Variants in MAP3K7CL observed in about 807,000 individuals in gnomAD.
MAP3K7CL encodes MAP3K7 C-terminal like, also known as MAP3K7 C-terminal-like protein.
A neutral mutation model predicts 18.6 loss-of-function variants in MAP3K7CL; 16 were observed. The observed-to-expected ratio is 0.86, with a 90% confidence interval of 0.58 to 1.31. The LOEUF (loss-of-function observed/expected upper bound fraction) is 1.31. Ranked by LOEUF, MAP3K7CL falls within the 50% of genes most tolerant of loss-of-function variation. The pLI is 0.00. For synonymous variants in MAP3K7CL, 65 were observed against 66.8 expected (o/e 0.97, Z 0.13); for missense variants, 163 against 174.4 (o/e 0.93, Z 0.37).
exon 1 of MAP3K7CL, chr21:29,085,916 A>G: frequency 2.5e-6 from 4 of 1,614,146 alleles, no homozygotes; most frequent in Non-Finnish European, 3.4e-6. Context: ...GCAGATCTTA[A>G]GGTATGTCCG....
intron 4 of MAP3K7CL, among the ~76,000 whole-genome samples, chr21:29,106,898 T>C (rs951112394): frequency 6.6e-6 from 1 of 152,184 alleles, no homozygotes; most frequent in Non-Finnish European, 1.5e-5. Context: ...CTCTTTCTGA[T>C]AGCTTTGTCC....
intron 4 of MAP3K7CL, among the ~76,000 whole-genome samples, chr21:29,096,976 G>T (rs1165482530): frequency 6.6e-6 from 1 of 152,164 alleles, no homozygotes; most frequent in African/African-American, 2.4e-5. Context: ...CTTTCTTTCA[G>T]AACGCGTTTA....
At chr21:29,108,603 A>C (rs901430589) in intron 4 of MAP3K7CL, among the ~76,000 whole-genome samples, 24 of 152,198 alleles carry the variant, frequency 1.6e-4, no homozygotes, top group African/African-American at 5.8e-4. Flanking sequence ...CTGAATTTAA[A>C]GTGCAGTATA....
intron 4 of MAP3K7CL, among the ~76,000 whole-genome samples, chr21:29,172,246 T>C (rs1299532611): frequency 2.0e-5 from 3 of 150,618 alleles, no homozygotes; most frequent in Non-Finnish European, 3.0e-5. Context: ...ATTTTCTTTT[T>C]TTTTTTTTTT....
At chr21:29,147,265 T>C (rs1306722473) in intron 2 of MAP3K7CL, among the ~76,000 whole-genome samples, 2 of 152,088 alleles carry the variant, frequency 1.3e-5, no homozygotes, top group Admixed American at 6.5e-5. Flanking sequence ...GTATGTGTAC[T>C]ATATGTATAA....
chr21:29,108,191 G>A (rs528543547), intron 4 of MAP3K7CL, among the ~76,000 whole-genome samples: 2 of 152,232 alleles, frequency 1.3e-5, no homozygotes, highest in South Asian at 2.1e-4. Context: ...AAATAAAGTC[G>A]TAAGAGTGGG....
intron 4 of MAP3K7CL, among the ~76,000 whole-genome samples, chr21:29,115,135 A>G (rs914135931): frequency 6.6e-6 from 1 of 152,178 alleles, no homozygotes; most frequent in Non-Finnish European, 1.5e-5. Context: ...CTGTGGCCTC[A>G]TCATGCCGGG....
chr21:29,138,673 A>C (rs1167552021), intron 2 of MAP3K7CL, among the ~76,000 whole-genome samples: 1 of 152,174 alleles, frequency 6.6e-6, no homozygotes, highest in African/African-American at 2.4e-5. Context: ...GGTAGCTTTT[A>C]ATATTTTGTT....
In MAP3K7CL at chr21:29,167,912, G is replaced by C. The variant is rs1484856003; in HGVS notation, c.249-6800G>C. On this transcript the variant is annotated intron_variant, in intron 4 of 4. Transcript: ENST00000399928. ...GATGGGGTTTCGCCATGTTAGCCAG[G>C]ATGGTCTTGATCTCCTGACCTCGTG... Among the ~76,000 whole-genome samples, 6 of 152,072 alleles carry C rather than the reference G, an allele frequency of 3.9e-5. No homozygotes were observed. The East Asian group carries it at 1.2e-3, about 29-fold the overall frequency.
At chr21:29,092,357 G>C in intron 3 of MAP3K7CL, 1 of 1,540,564 alleles carries the variant, frequency 6.5e-7, no homozygotes, top group Non-Finnish European at 8.9e-7. Flanking sequence ...TCTTCTCAGG[G>C]AAAAAAAGAA....
intron 4 of MAP3K7CL, among the ~76,000 whole-genome samples, chr21:29,098,815 C>T (rs1177655455): frequency 2.0e-5 from 3 of 152,168 alleles, no homozygotes; most frequent in Non-Finnish European, 2.9e-5. Flanking sequence ...GGGCTTCTTC[C>T]TTTTGAGGAA....
rs1458190190 is a variant in MAP3K7CL, at chr21:29,130,850, T to TCCA, written c.-111_-109dup. 6.1e-6 allele frequency: 6 copies of TCCA among 985,394 alleles called. No individual in the cohort carries two copies. Among genetic ancestry groups the TCCA allele is most frequent in the Non-Finnish European group, 7.2e-6 (6 of 830,016 alleles). 61.0% of individuals were successfully genotyped at this position (985,394 alleles called of 1,614,324 possible). ...GCCTGGTCTCTCACTGAGTCTCTACTCCACAAAGGCAACGACTGGCCAAGG... is the reference window on the plus strand; with the variant it reads ...GCCTGGTCTCTCACTGAGTCTCTACTCCACCACAAAGGCAACGACTGGCCAAGG... On this transcript the variant is annotated 5_prime_UTR_variant, in exon 1 of 5. Coordinates refer to ENST00000399928, the MANE Select transcript of MAP3K7CL (RefSeq NM_001286620.2).
At chr21:29,143,932 G>A (rs1017421621) in intron 2 of MAP3K7CL, among the ~76,000 whole-genome samples, 2 of 152,052 alleles carry the variant, frequency 1.3e-5, no homozygotes, top group African/African-American at 4.8e-5. Flanking sequence ...ACGACAGTGA[G>A]GTGTTTTGGG....
intron 4 of MAP3K7CL, among the ~76,000 whole-genome samples, chr21:29,099,405 A>G (rs1054980637): frequency 6.6e-6 from 1 of 151,822 alleles, no homozygotes; most frequent in Non-Finnish European, 1.5e-5. Context: ...GCGCCCAGCT[A>G]AAATACTAGT....
intron 4 of MAP3K7CL, among the ~76,000 whole-genome samples, chr21:29,170,532 C>G (rs1461887258): frequency 1.3e-5 from 2 of 152,076 alleles, no homozygotes; most frequent in Admixed American, 1.3e-4. Context: ...GTAAAGTCCA[C>G]CTAAATCATT....
chr21:29,089,943 CAGG>C (rs2085993761), intron 1 of MAP3K7CL, among the ~76,000 whole-genome samples: 1 of 151,098 alleles, frequency 6.6e-6, no homozygotes, highest in Non-Finnish European at 1.5e-5. Context: ...GGAGGAAAGA[CAGG>C]AAGGAGGGAG....
intron 4 of MAP3K7CL, among the ~76,000 whole-genome samples, chr21:29,167,024 T>A (rs1055877808): frequency 1.3e-5 from 2 of 152,222 alleles, no homozygotes; most frequent in African/African-American, 4.8e-5. Flanking sequence ...TTGCCAGCAG[T>A]GTATCAAGGT....
intron 4 of MAP3K7CL, among the ~76,000 whole-genome samples, chr21:29,116,212 A>G (rs1034397725): frequency 5.3e-5 from 8 of 152,348 alleles, no homozygotes; most frequent in East Asian, 1.9e-4. Flanking sequence ...CTTCAGCTAT[A>G]CTAACTCTGT....
At chr21:29,086,330 C>G (rs964325610) in intron 1 of MAP3K7CL, among the ~76,000 whole-genome samples, 3 of 152,178 alleles carry the variant, frequency 2.0e-5, no homozygotes, top group African/African-American at 4.8e-5. Context: ...ATTGGCACAT[C>G]TATGTGAGTT....
Sources: gnomAD v4.1 joint callset for allele counts (sites outside exome capture counted in the v4.1 genomes callset) on GRCh38, gnomAD v4.1.1 for gene constraint, MANE v1.5 for transcripts, NCBI Gene and HGNC (gene_info 2026-07-23, HGNC 2026-07-21) for gene names.